FAM135B: variants seen among roughly 807,000 people sequenced by gnomAD.
FAM135B encodes protein FAM135B.
In FAM135B, 43 loss-of-function variants were observed where a neutral mutation model predicts 127.7. The ratio of observed to expected loss-of-function variants is 0.34; its 90% confidence interval spans 0.26 to 0.43. FAM135B has a LOEUF of 0.43. FAM135B is among the 20% of genes least tolerant of loss of function. FAM135B has a pLI of 1.00. For synonymous variants in FAM135B, 670 were observed against 665.1 expected (o/e 1.01, Z -0.11); for missense variants, 1,558 against 1,725.6 (o/e 0.90, Z 1.72).
chr8:138,200,412 G>A (rs749681437), intron 7 of FAM135B, among the ~76,000 whole-genome samples: 6 of 152,120 alleles, frequency 3.9e-5, no homozygotes, highest in East Asian at 1.9e-4. Context: ...TATGCAGCAC[G>A]GAGCACATCA....
Position 138,151,442 on chromosome 8 carries a change from C to A in FAM135B, c.3033G>T (p.Gly1011=), listed in dbSNP as rs1818135195. The A allele has an allele frequency of 4.3e-6, 7 of 1,614,084 alleles. No individual in the cohort carries two copies. The highest frequency in any genetic ancestry group is 1.3e-5 in the African/African-American group (1 of 74,948). The change falls in exon 13 of 20, where the codon GGG becomes GGT. Residue 1011 remains glycine (G), a synonymous_variant. Coordinates refer to ENST00000395297, the MANE Select transcript of FAM135B (RefSeq NM_015912.4). The part of the protein sequence containing the change: ...QELKAGTSIM[G]SHLTSAETFT... Reference sequence around the variant, plus strand: ...AGGTCTCTGCAGAAGTCAGATGGGACCCCATGATGGAAGTGCCTGCCTTCA... The same window carrying A: ...AGGTCTCTGCAGAAGTCAGATGGGAACCCATGATGGAAGTGCCTGCCTTCA...
intron 9 of FAM135B, among the ~76,000 whole-genome samples, chr8:138,194,252 C>T (rs1351408051): frequency 6.6e-6 from 1 of 152,192 alleles, no homozygotes; most frequent in African/African-American, 2.4e-5. Context: ...TGCCGTCCAA[C>T]AGCCCCTCCC....
intron 13 of FAM135B, among the ~76,000 whole-genome samples, chr8:138,150,131 T>A (rs1818004049): frequency 6.6e-6 from 1 of 152,192 alleles, no homozygotes; most frequent in Admixed American, 6.5e-5. Context: ...ATTATATACA[T>A]AATCAGATAT....
At chr8:138,403,098 C>A (rs980568210) in intron 1 of FAM135B, among the ~76,000 whole-genome samples, 2 of 152,162 alleles carry the variant, frequency 1.3e-5, no homozygotes, top group African/African-American at 2.4e-5. Context: ...TAAGTGTTTG[C>A]TGTTTAAGCC....
At chr8:138,480,361 C>T (rs1198729820) in intron 1 of FAM135B, among the ~76,000 whole-genome samples, 1 of 152,166 alleles carries the variant, frequency 6.6e-6, no homozygotes. Context: ...ATTACCTTGA[C>T]ATGATGGGAT....
Position 138,243,191 on chromosome 8 carries a change from C to A in FAM135B, c.543-123G>T, listed in dbSNP as rs191204277. 1 of 1,137,434 alleles carries A rather than the reference C, an allele frequency of 8.8e-7. No homozygotes were observed. The highest frequency in any genetic ancestry group is 1.6e-5 in the African/African-American group (1 of 64,198). The allele number at this position is 1,137,434 out of a possible 1,614,324, so 70.5% of individuals were successfully genotyped here. ...GGATAAGTCATTTAGGAGTAGTTCA[C>A]CCCCTAGGGAGTGTTTGCATGTGAC... On this transcript the variant is annotated intron_variant, in intron 6 of 19. Coordinates refer to ENST00000395297, the MANE Select transcript of FAM135B (RefSeq NM_015912.4). The surrounding 1 kb of genome is among the most constrained non-coding windows in gnomAD (Gnocchi z 7.5).
chr8:138,157,093 C>T (rs188323764), intron 12 of FAM135B, among the ~76,000 whole-genome samples: 11 of 152,170 alleles, frequency 7.2e-5, no homozygotes, highest in African/African-American at 1.2e-4. Flanking sequence ...AAAAGCTTAT[C>T]CACCACGATC....
intron 2 of FAM135B, among the ~76,000 whole-genome samples, chr8:138,326,441 TA>T (rs1191691940): frequency 2.6e-5 from 4 of 152,166 alleles, no homozygotes; most frequent in Admixed American, 2.6e-4. Context: ...TGAGCTTGGT[TA>T]AAGCAGGCCT....
At chr8:138,250,609 G>A (rs1387633950) in intron 6 of FAM135B, among the ~76,000 whole-genome samples, 1 of 152,100 alleles carries the variant, frequency 6.6e-6, no homozygotes, top group African/African-American at 2.4e-5. Context: ...AAGTCTTCCT[G>A]GTGTAAGCCA....
intron 7 of FAM135B, among the ~76,000 whole-genome samples, chr8:138,199,641 C>T (rs778532643): frequency 6.6e-5 from 10 of 152,216 alleles, no homozygotes; most frequent in Non-Finnish European, 1.0e-4. Context: ...AAAGGAAAGG[C>T]GTTTAATTGA....
chr8:138,148,066 C>G (rs1817802309), intron 14 of FAM135B, among the ~76,000 whole-genome samples: 1 of 152,178 alleles, frequency 6.6e-6, no homozygotes, highest in Non-Finnish European at 1.5e-5. Flanking sequence ...ATTCATTCTT[C>G]TCCATTTCTT....
At chr8:138,149,404 C>T (rs1817938169) in intron 13 of FAM135B, among the ~76,000 whole-genome samples, 1 of 152,104 alleles carries the variant, frequency 6.6e-6, no homozygotes, top group Non-Finnish European at 1.5e-5. Context: ...CTCACCACTC[C>T]CAGCCTCCAC....
At position 138,220,148 on chromosome 8, in the gene FAM135B, G is replaced by T. The variant is rs185455710; in HGVS notation, c.670-22479C>A. On this transcript the variant is annotated intron_variant, in intron 7 of 19. Transcript: ENST00000395297. ...GCAGAGCATAAGCAATCTGGGTCCAGTGCCCCATGGTGAGAACTAAAGCAG... is the reference window on the plus strand; with the variant it reads ...GCAGAGCATAAGCAATCTGGGTCCATTGCCCCATGGTGAGAACTAAAGCAG... Among the ~76,000 whole-genome samples, 235 of 151,710 alleles carry T rather than the reference G, an allele frequency of 1.5e-3. 2 individuals are homozygous for T. The Middle Eastern group carries it at 0.034, about 22-fold the overall frequency.
chr8:138,288,783 A>G (rs1483741358), intron 3 of FAM135B, among the ~76,000 whole-genome samples: 1 of 152,218 alleles, frequency 6.6e-6, no homozygotes, highest in African/African-American at 2.4e-5. Flanking sequence ...GGAGAAAGCA[A>G]AAAGATAAAA....
At chr8:138,470,307 ACCATATACAC>A (rs1837607312) in intron 1 of FAM135B, among the ~76,000 whole-genome samples, 1 of 152,298 alleles carries the variant, frequency 6.6e-6, no homozygotes, top group Middle Eastern at 3.4e-3. Flanking sequence ...GGGTATAAAA[ACCATATACAC>A]CCATATACAC....
At chr8:138,382,394 C>G (rs936489353) in intron 1 of FAM135B, among the ~76,000 whole-genome samples, 1 of 152,126 alleles carries the variant, frequency 6.6e-6, no homozygotes, top group African/African-American at 2.4e-5. Flanking sequence ...GGGGTGTGAA[C>G]CTCACTGGGA....
At chr8:138,188,167 C>T (rs1414780844) in intron 9 of FAM135B, among the ~76,000 whole-genome samples, 7 of 152,190 alleles carry the variant, frequency 4.6e-5, no homozygotes, top group African/African-American at 1.7e-4. Flanking sequence ...TCTGGCTGTG[C>T]ATCAGCACTC....
chr8:138,142,649 A>T (rs1817303081), intron 16 of FAM135B, among the ~76,000 whole-genome samples: 2 of 152,236 alleles, frequency 1.3e-5, no homozygotes, highest in South Asian at 4.2e-4. Context: ...ATAGATAAGA[A>T]AACAGAGGTT....
At chr8:138,346,309 C>A (rs967962729) in intron 2 of FAM135B, among the ~76,000 whole-genome samples, 9 of 152,136 alleles carry the variant, frequency 5.9e-5, no homozygotes, top group Admixed American at 5.2e-4. Flanking sequence ...GGGCATACAA[C>A]CAAGGAAATA....
Sources: allele counts gnomAD v4.1 joint callset (sites outside exome capture counted in the v4.1 genomes callset), GRCh38; gene constraint gnomAD v4.1.1; non-coding constraint Gnocchi (gnomAD v3.1); transcripts MANE v1.5; gene names NCBI Gene and HGNC (gene_info 2026-07-23, HGNC 2026-07-21).